The following SLC7A1 variants were observed in gnomAD, a reference collection of about 807,000 sequenced individuals.
SLC7A1 encodes the protein high affinity cationic amino acid transporter 1.
A neutral mutation model predicts 53.9 loss-of-function variants in SLC7A1; 10 were observed. The ratio of observed to expected loss-of-function variants is 0.19; its 90% confidence interval spans 0.11 to 0.31. SLC7A1 has a LOEUF of 0.31. SLC7A1 is among the 10% of genes least tolerant of loss of function. The pLI is 1.00. For missense variants in SLC7A1, 525 were observed against 827.2 expected, an observed-to-expected ratio of 0.63 and a Z score of 4.48; for synonymous variants, 342 against 338.7, an observed-to-expected ratio of 1.01 and a Z score of -0.11.
chr13:29,509,419 G>A lies in SLC7A1; in HGVS notation c.*5061C>T, dbSNP rs1161336706. ...TTGAGATCACACCATGCACATGGAA[G>A]CCATAGAATTTATTCGAATTTGCAG... On this transcript the variant is annotated 3_prime_UTR_variant, in exon 13 of 13. Coordinates refer to ENST00000380752, the MANE Select transcript of SLC7A1 (RefSeq NM_003045.5). 1 of 152,446 alleles carries A rather than the reference G, an allele frequency of 6.6e-6. No homozygotes were observed. Among genetic ancestry groups the A allele is most frequent in the Non-Finnish European group, 1.5e-5 (1 of 68,038 alleles). 9.4% of individuals were successfully genotyped at this position (152,446 alleles called of 1,614,324 possible).
chr13:29,526,059 G>C (rs1284554359), intron 5 of SLC7A1, among the ~76,000 whole-genome samples: 10 of 152,206 alleles, frequency 6.6e-5, no homozygotes, highest in Admixed American at 6.5e-4. Flanking sequence ...CAAGGGAGGA[G>C]GGGAACTCAA....
At chr13:29,529,839 A>T (rs1247762077) in intron 5 of SLC7A1, among the ~76,000 whole-genome samples, 1 of 152,196 alleles carries the variant, frequency 6.6e-6, no homozygotes, top group African/African-American at 2.4e-5. Context: ...GACAACAAAG[A>T]TAAAAAAGAT....
In SLC7A1 at chr13:29,514,247, C is replaced by T. The variant is rs1052045279; in HGVS notation, c.*233G>A. 22 of 558,360 alleles carry T rather than the reference C, an allele frequency of 3.9e-5. No homozygotes were observed. The highest frequency in any genetic ancestry group is 9.4e-5 in the African/African-American group (5 of 53,006). 34.6% of individuals were successfully genotyped at this position (558,360 alleles called of 1,614,324 possible). A position where few individuals can be genotyped will look rare whatever the true frequency, so the allele number is the denominator to read the frequency against. On this transcript the variant is annotated 3_prime_UTR_variant, in exon 13 of 13. Transcript: ENST00000380752. ...GAAGTGAGGAGACACAGTGGCCAGC[C>T]GCAGCCTAGTGGCCCCGGCCAGGCA...
chr13:29,577,996 C>T lies in SLC7A1; in HGVS notation c.-115+17420G>A, dbSNP rs941839506. ...TGTTTGCTTTTCATTTGTTCTAAAA[C>T]ATTTGCAAGTTCTGAGAAGGAACAC... On this transcript the variant is annotated intron_variant, in intron 1 of 12. Coordinates refer to ENST00000380752, the MANE Select transcript of SLC7A1 (RefSeq NM_003045.5). Among the ~76,000 whole-genome samples, 8 of 152,248 alleles carry T rather than the reference C, an allele frequency of 5.3e-5. No individual in the cohort carries two copies. The East Asian group carries it at 1.6e-3, about 30-fold the overall frequency.
chr13:29,525,188 T>G (rs1265395518), intron 5 of SLC7A1, among the ~76,000 whole-genome samples: 9 of 152,230 alleles, frequency 5.9e-5, no homozygotes, highest in Non-Finnish European at 1.3e-4. Flanking sequence ...CTAAGCTTTC[T>G]GCATCCAACC....
At chr13:29,572,835 C>T (rs1258353385) in intron 1 of SLC7A1, among the ~76,000 whole-genome samples, 1 of 152,154 alleles carries the variant, frequency 6.6e-6, no homozygotes, top group Admixed American at 6.5e-5. Flanking sequence ...CAACCAGAAG[C>T]AGCCAACACA....
At chr13:29,589,498 C>T in intron 1 of SLC7A1, among the ~76,000 whole-genome samples, 1 of 152,252 alleles carries the variant, frequency 6.6e-6, no homozygotes, top group Non-Finnish European at 1.5e-5. Context: ...TGACACTGGC[C>T]ACGTCCCAGC....
At chr13:29,525,060 G>C (rs1404106790) in intron 5 of SLC7A1, among the ~76,000 whole-genome samples, 2 of 152,162 alleles carry the variant, frequency 1.3e-5, no homozygotes, top group Non-Finnish European at 2.9e-5. Context: ...ACAAAGCCCT[G>C]GCCTGTCCCC....
intron 9 of SLC7A1, among the ~76,000 whole-genome samples, chr13:29,519,036 G>C (rs1566252917): frequency 6.6e-6 from 1 of 152,212 alleles, no homozygotes; most frequent in Non-Finnish European, 1.5e-5. Flanking sequence ...AGCTGCAGAA[G>C]CATTATGCTG....
intron 1 of SLC7A1, among the ~76,000 whole-genome samples, chr13:29,576,360 A>C (rs1226620440): frequency 6.6e-6 from 1 of 151,938 alleles, no homozygotes; most frequent in African/African-American, 2.4e-5. Flanking sequence ...AGAACCACAC[A>C]AACTATATTC....
chr13:29,529,582 T>C (rs1447530210), intron 5 of SLC7A1, among the ~76,000 whole-genome samples: 1 of 152,174 alleles, frequency 6.6e-6, no homozygotes, highest in Non-Finnish European at 1.5e-5. Context: ...GACAATGTCC[T>C]GGGGGAAGAT....
chr13:29,563,829 C>A (rs532422482), intron 1 of SLC7A1, among the ~76,000 whole-genome samples: 13 of 152,190 alleles, frequency 8.5e-5, no homozygotes, highest in Non-Finnish European at 1.3e-4. Context: ...GGCACCACTG[C>A]CAATTTATTA....
intron 3 of SLC7A1, 140 bp from the exon 4 acceptor site, chr13:29,533,122 T>C: frequency 4.9e-6 from 4 of 811,550 alleles, no homozygotes; most frequent in Non-Finnish European, 5.6e-6. Flanking sequence ...CAGACCACAG[T>C]GTATGCTGAG....
intron 2 of SLC7A1, among the ~76,000 whole-genome samples, chr13:29,545,917 G>A (rs1182847495): frequency 6.6e-6 from 1 of 152,220 alleles, no homozygotes; most frequent in Non-Finnish European, 1.5e-5. Context: ...CAGGATGAGT[G>A]GAGAGTTGAT....
chr13:29,559,804 C>T (rs936522002), intron 1 of SLC7A1, among the ~76,000 whole-genome samples: 1 of 151,956 alleles, frequency 6.6e-6, no homozygotes, highest in Non-Finnish European at 1.5e-5. Context: ...CAAGCTCCGC[C>T]TCCCAGGTTC....
At chr13:29,591,329 G>A (rs1031862845) in intron 1 of SLC7A1, among the ~76,000 whole-genome samples, 18 of 152,170 alleles carry the variant, frequency 1.2e-4, no homozygotes, top group African/African-American at 4.3e-4. Flanking sequence ...ATGTGGTTCT[G>A]AGGAATATCT....
chr13:29,582,916 C>T (rs1871709355), intron 1 of SLC7A1, among the ~76,000 whole-genome samples: 2 of 152,226 alleles, frequency 1.3e-5, no homozygotes, highest in South Asian at 4.1e-4. Context: ...CCTACACGCT[C>T]TTTAGATAGC....
chr13:29,554,514 T>C (rs1432928437), intron 1 of SLC7A1, among the ~76,000 whole-genome samples: 2 of 152,126 alleles, frequency 1.3e-5, no homozygotes, highest in African/African-American at 4.8e-5. Flanking sequence ...GAGTACCTGG[T>C]ATGAACGCAG....
chr13:29,549,879 C>T (rs959659733), intron 2 of SLC7A1, among the ~76,000 whole-genome samples: 4 of 152,164 alleles, frequency 2.6e-5, no homozygotes, highest in Non-Finnish European at 5.9e-5. Context: ...GTTGGCCAGG[C>T]TGGTCTTGAA....
Sources: gnomAD v4.1 joint callset for allele counts (sites outside exome capture counted in the v4.1 genomes callset) on GRCh38, gnomAD v4.1.1 for gene constraint, MANE v1.5 for transcripts, NCBI Gene and HGNC (gene_info 2026-07-23, HGNC 2026-07-21) for gene names.